ABTB3: variants seen among roughly 807,000 people sequenced by gnomAD.
ABTB3 encodes ankyrin repeat- and BTB/POZ domain-containing protein 3.
chr12:107,516,698 G>C, the ABTB3 span, among the ~76,000 whole-genome samples: 7 of 152,206 alleles, frequency 4.6e-5, no homozygotes, highest in African/African-American at 1.7e-4. Context: ...GAGCAGGAGT[G>C]TGAAAGGCCC....
chr12:107,347,152 T>C, the ABTB3 span, among the ~76,000 whole-genome samples: 1,009 of 152,306 alleles, frequency 6.6e-3, 13 homozygotes, highest in African/African-American at 0.023. Flanking sequence ...ATTTTGACTG[T>C]ATTTACTGAA....
the ABTB3 span, chr12:107,319,788 C>A: frequency 6.9e-7 from 1 of 1,448,868 alleles, no homozygotes; most frequent in East Asian, 2.9e-5. Flanking sequence ...GCGGCCCCCG[C>A]GGCGGATAAA....
chr12:107,348,287 ACACACACACG>A, the ABTB3 span, among the ~76,000 whole-genome samples: 11 of 152,064 alleles, frequency 7.2e-5, no homozygotes, highest in Middle Eastern at 3.4e-3. Context: ...TCATATCTAC[ACACACACACG>A]CACACACACA....
chr12:107,413,407 GC>G, the ABTB3 span, among the ~76,000 whole-genome samples: 1 of 152,322 alleles, frequency 6.6e-6, no homozygotes, highest in South Asian at 2.1e-4. Flanking sequence ...CACAGCCTGA[GC>G]TAAGTTCAGA....
the ABTB3 span, among the ~76,000 whole-genome samples, chr12:107,506,926 G>A: frequency 1.3e-5 from 2 of 152,172 alleles, no homozygotes; most frequent in Non-Finnish European, 2.9e-5. Context: ...TTAGGTCCAA[G>A]GAGAGGAAAA....
chr12:107,486,404 A>G, the ABTB3 span: 31 of 152,290 alleles, frequency 2.0e-4, no homozygotes, highest in African/African-American at 6.7e-4. Context: ...GTTGCTACAA[A>G]GAGTATATGG....
At chr12:107,424,427 G>A in the ABTB3 span, among the ~76,000 whole-genome samples, 1 of 152,200 alleles carries the variant, frequency 6.6e-6, no homozygotes, top group Non-Finnish European at 1.5e-5. Context: ...GATGCGGAGT[G>A]GATTCAGGAT....
the ABTB3 span, among the ~76,000 whole-genome samples, chr12:107,338,267 G>A: frequency 3.3e-5 from 5 of 152,182 alleles, no homozygotes; most frequent in Non-Finnish European, 7.3e-5. Flanking sequence ...TATACTGACT[G>A]TAATTTCGAA....
chr12:107,533,488 C>T, the ABTB3 span, among the ~76,000 whole-genome samples: 1 of 151,942 alleles, frequency 6.6e-6, no homozygotes, highest in Non-Finnish European at 1.5e-5. Context: ...TTATTTCAGA[C>T]AAAAATAGAC....
the ABTB3 span, among the ~76,000 whole-genome samples, chr12:107,462,025 GC>G: frequency 1.3e-5 from 2 of 152,318 alleles, no homozygotes; most frequent in African/African-American, 4.8e-5. Context: ...AAACGTCTGA[GC>G]CCTTCCTGAT....
chr12:107,512,540 T>C, the ABTB3 span, among the ~76,000 whole-genome samples: 1 of 152,192 alleles, frequency 6.6e-6, no homozygotes, highest in Non-Finnish European at 1.5e-5. Flanking sequence ...TCACATATGG[T>C]TATACTGCGA....
the ABTB3 span, among the ~76,000 whole-genome samples, chr12:107,379,143 G>C: frequency 2.0e-5 from 3 of 152,266 alleles, no homozygotes; most frequent in East Asian, 3.9e-4. Context: ...ACTCCCATAG[G>C]GTTGGTGGAA....
chr12:107,519,952 G>A, the ABTB3 span, among the ~76,000 whole-genome samples: 1,513 of 152,208 alleles, frequency 9.9e-3, 33 homozygotes, highest in African/African-American at 0.034. Context: ...AAGCCCATGG[G>A]GACTCTTCTA....
the ABTB3 span, among the ~76,000 whole-genome samples, chr12:107,386,933 G>A: frequency 1.5e-4 from 22 of 148,176 alleles, no homozygotes; most frequent in African/African-American, 5.1e-4. Context: ...GTATGTGTGC[G>A]CATGCTTGCA....
the ABTB3 span, among the ~76,000 whole-genome samples, chr12:107,531,088 A>G: frequency 2.0e-5 from 3 of 152,202 alleles, no homozygotes; most frequent in Non-Finnish European, 2.9e-5. Context: ...CTGTTTTCTT[A>G]TCTGCAAAGC....
chr12:107,617,079 T>C, the ABTB3 span: 3 of 1,613,786 alleles, frequency 1.9e-6, 1 homozygote, highest in South Asian at 3.3e-5. Context: ...TGGCCGCTCT[T>C]CCTCTGCAGC....
the ABTB3 span, among the ~76,000 whole-genome samples, chr12:107,337,773 A>G: frequency 6.6e-6 from 1 of 152,238 alleles, no homozygotes; most frequent in Non-Finnish European, 1.5e-5. Flanking sequence ...CTGTGTCTAG[A>G]TGTTGTTAAG....
chr12:107,506,841 T>G, the ABTB3 span, among the ~76,000 whole-genome samples: 1 of 152,230 alleles, frequency 6.6e-6, no homozygotes. Flanking sequence ...AATGAATTGA[T>G]GCATGAGAAT....
the ABTB3 span, among the ~76,000 whole-genome samples, chr12:107,389,846 TTG>T: frequency 0.016 from 2,319 of 141,514 alleles, 57 homozygotes; most frequent in African/African-American, 0.052. Flanking sequence ...GTGTGTGTGT[TTG>T]TGTGTGTGTG....
Sources: gnomAD v4.1 joint callset for allele counts (sites outside exome capture counted in the v4.1 genomes callset) on GRCh38, gnomAD v4.1.1 for gene constraint, MANE v1.5 for transcripts, NCBI Gene and HGNC (gene_info 2026-07-23, HGNC 2026-07-21) for gene names.